DSCAM: variants seen among roughly 807,000 people sequenced by gnomAD.
DSCAM encodes the protein DS cell adhesion molecule.
Under a neutral mutation model 217.7 loss-of-function variants are expected in DSCAM, and 47 were observed. The observed-to-expected ratio is 0.22, with a 90% CI of 0.17 to 0.28. The LOEUF (loss-of-function observed/expected upper bound fraction) is 0.28. Ranked by LOEUF, DSCAM falls within the 10% of genes least tolerant of loss-of-function variation. DSCAM has a pLI of 1.00. For missense variants in DSCAM, 2,080 were observed against 2,618.3 expected (o/e 0.79, Z 4.49); for synonymous variants, 1,056 against 1,015.3 (o/e 1.04, Z -0.76).
At chr21:40,761,088 G>A (rs908931828) in intron 1 of DSCAM, among the ~76,000 whole-genome samples, 2 of 152,208 alleles carry the variant, frequency 1.3e-5, no homozygotes, top group African/African-American at 2.4e-5. Flanking sequence ...GAAAGAGTCA[G>A]TCTGGTATCT....
chr21:40,340,690 G>C (rs2074481970), intron 6 of DSCAM, among the ~76,000 whole-genome samples: 1 of 152,068 alleles, frequency 6.6e-6, no homozygotes, highest in Non-Finnish European at 1.5e-5. Flanking sequence ...AGAATGAGTA[G>C]ATTTTTTTTA....
intron 1 of DSCAM, among the ~76,000 whole-genome samples, chr21:40,720,692 G>A (rs1353275711): frequency 6.6e-6 from 1 of 151,786 alleles, no homozygotes; most frequent in Non-Finnish European, 1.5e-5. Context: ...AAAAATGAAA[G>A]AAGGAAACAA....
chr21:40,276,566 A>T (rs2073690397), intron 10 of DSCAM, among the ~76,000 whole-genome samples: 1 of 152,224 alleles, frequency 6.6e-6, no homozygotes, highest in Admixed American at 6.5e-5. Context: ...CTGATAAATT[A>T]TTCAAAGAAA....
At chr21:40,084,036 G>T (rs748088563) in intron 23 of DSCAM, 30 bp from the exon 24 acceptor site, 3 of 1,567,582 alleles carry the variant, frequency 1.9e-6, no homozygotes, top group Admixed American at 1.8e-5. Context: ...TAGAAAACAA[G>T]AATTAGTTTT....
chr21:40,617,119 C>CTTTTTTT (rs1178735630), intron 3 of DSCAM, among the ~76,000 whole-genome samples: 4 of 112,670 alleles, frequency 3.6e-5, no homozygotes, highest in African/African-American at 1.1e-4. Context: ...CAGAACCAGT[C>CTTTTTTT]TTTTTTTTTT....
chr21:40,615,625 C>T (rs1391328527), intron 3 of DSCAM: 3 of 152,126 alleles, frequency 2.0e-5, no homozygotes, highest in African/African-American at 4.8e-5. Context: ...ACACATCTTA[C>T]ATGCATGAGC....
chr21:40,385,644 A>T (rs1343642260), intron 3 of DSCAM, among the ~76,000 whole-genome samples: 1 of 152,162 alleles, frequency 6.6e-6, no homozygotes, highest in African/African-American at 2.4e-5. Context: ...AGGGCTTGGC[A>T]CATGCTGTAG....
intron 22 of DSCAM, among the ~76,000 whole-genome samples, chr21:40,086,702 T>C (rs1186820768): frequency 1.3e-5 from 2 of 152,208 alleles, no homozygotes; most frequent in Non-Finnish European, 2.9e-5. Flanking sequence ...CTATGGAGTA[T>C]GGAGAACCAG....
chr21:40,511,609 T>C (rs563983223), intron 3 of DSCAM, among the ~76,000 whole-genome samples: 113 of 152,178 alleles, frequency 7.4e-4, no homozygotes, highest in Non-Finnish European at 1.3e-3. Flanking sequence ...TATAATTCTT[T>C]ATAGAGTAAA....
chr21:40,266,082 G>GT (rs1258100046), intron 11 of DSCAM, among the ~76,000 whole-genome samples: 1 of 152,160 alleles, frequency 6.6e-6, no homozygotes, highest in Admixed American at 6.5e-5. Flanking sequence ...CAGAATGGAA[G>GT]TAAATATTTG....
intron 32 of DSCAM, among the ~76,000 whole-genome samples, chr21:40,031,038 G>GTGTT (rs1461928566): frequency 2.6e-5 from 4 of 152,168 alleles, no homozygotes; most frequent in Non-Finnish European, 5.9e-5. Context: ...TGCTAAGCTG[G>GTGTT]TGTTTGTGTC....
rs1026414151 is a variant in DSCAM, at chr21:40,343,940, G to T, written c.1210+3730C>A. Among the ~76,000 whole-genome samples the T allele has an allele frequency of 1.2e-4, 17 of 139,760 alleles. No individual in the cohort carries two copies. In the South Asian group the frequency reaches 2.6e-3, roughly 21 times the overall value. 91.7% of individuals were successfully genotyped at this position (139,760 alleles called of 152,430 possible). ...ATTTTTAGAGATGGAGTCTCACTCT[G>T]TCACCCAGGCTGGAGTGCAGTAGCA... On this transcript the variant is annotated intron_variant, in intron 6 of 32. Coordinates refer to ENST00000400454, the MANE Select transcript of DSCAM (RefSeq NM_001389.5).
intron 3 of DSCAM, among the ~76,000 whole-genome samples, chr21:40,526,929 A>T (rs990831230): frequency 2.9e-4 from 44 of 152,082 alleles, no homozygotes; most frequent in Non-Finnish European, 3.4e-4. Context: ...TGGAGCCAGG[A>T]GGTCAAGGTG....
intron 1 of DSCAM, among the ~76,000 whole-genome samples, chr21:40,716,481 G>A (rs755384032): frequency 1.3e-5 from 2 of 152,102 alleles, no homozygotes; most frequent in Non-Finnish European, 2.9e-5. Flanking sequence ...ATTCAGGGTT[G>A]AAAATCCTGG....
chr21:40,705,387 A>T (rs1195248377), intron 2 of DSCAM, among the ~76,000 whole-genome samples: 1 of 151,172 alleles, frequency 6.6e-6, no homozygotes, highest in Non-Finnish European at 1.5e-5. Flanking sequence ...GTTGCTTCAG[A>T]TATTTTGTCT....
At chr21:40,429,270 CTTT>C (rs559574795) in intron 3 of DSCAM, among the ~76,000 whole-genome samples, 1 of 142,508 alleles carries the variant, frequency 7.0e-6, no homozygotes, top group Non-Finnish European at 1.5e-5. Flanking sequence ...GTTTTTTGTG[CTTT>C]TTTTTTTTTG....
rs111672735 is a variant in DSCAM, at chr21:40,248,044, C to T, written c.2356+28053G>A. Among the ~76,000 whole-genome samples the T allele has an allele frequency of 3.3e-3, 498 of 152,302 alleles. 6 individuals are homozygous for T. The highest frequency in any genetic ancestry group is 0.011 in the African/African-American group (454 of 41,572). On this transcript the variant is annotated intron_variant, in intron 11 of 32. Coordinates refer to ENST00000400454, the MANE Select transcript of DSCAM (RefSeq NM_001389.5). ...GAAGCCATGGCCTGAGCTGTCCCTT[C>T]GCCCCTTTTAGTCATGGCTGGAGTG... is the stretch of plus-strand genomic sequence containing the variant.
chr21:40,674,458 T>A (rs1245527561), intron 3 of DSCAM, among the ~76,000 whole-genome samples: 1 of 152,166 alleles, frequency 6.6e-6, no homozygotes, highest in Admixed American at 6.5e-5. Context: ...CAACTTTTCA[T>A]TATAGAATAT....
chr21:40,013,464 A>T, intron 32 of DSCAM, 78 bp from the exon 33 acceptor site: 1 of 1,088,580 alleles, frequency 9.2e-7, no homozygotes, highest in South Asian at 1.9e-5. Flanking sequence ...GCACACGGGA[A>T]GCCATGCGGG....
Sources: gnomAD v4.1 joint callset for allele counts (sites outside exome capture counted in the v4.1 genomes callset) on GRCh38, gnomAD v4.1.1 for gene constraint, MANE v1.5 for transcripts, NCBI Gene and HGNC (gene_info 2026-07-23, HGNC 2026-07-21) for gene names.